AUTS2: variants seen among roughly 807,000 people sequenced by gnomAD.
AUTS2 encodes activator of transcription and developmental regulator AUTS2, also known as autism susceptibility gene 2 protein.
A neutral mutation model predicts 112.4 loss-of-function variants in AUTS2; 17 were observed. The observed-to-expected ratio is 0.15, with a 90% CI of 0.10 to 0.23. The LOEUF (loss-of-function observed/expected upper bound fraction) is 0.23. Among genes scored for constraint, AUTS2 ranks in the 10% least tolerant of loss-of-function variants. AUTS2 has a pLI of 1.00. For missense variants in AUTS2, 1,510 were observed against 1,701.6 expected (o/e 0.89, Z 1.98); for synonymous variants, 751 against 702.7 (o/e 1.07, Z -1.09).
At chr7:69,862,327 G>A (rs999500679) in intron 1 of AUTS2, among the ~76,000 whole-genome samples, 1 of 152,152 alleles carries the variant, frequency 6.6e-6, no homozygotes, top group African/African-American at 2.4e-5. Flanking sequence ...AGGTACCAAG[G>A]AGAAATGAAA....
intron 1 of AUTS2, among the ~76,000 whole-genome samples, chr7:69,666,042 T>TA (rs1292149890): frequency 1.3e-5 from 2 of 152,234 alleles, no homozygotes; most frequent in African/African-American, 2.4e-5. Context: ...AGTCAAATAA[T>TA]ACATCTGGCT....
At chr7:70,522,389 A>G (rs1799679466) in intron 5 of AUTS2, among the ~76,000 whole-genome samples, 2 of 152,128 alleles carry the variant, frequency 1.3e-5, no homozygotes, top group Non-Finnish European at 2.9e-5. Flanking sequence ...TGAGGCATGA[A>G]TGATCCCATC....
chr7:70,782,473 T>C (rs1008320332), intron 15 of AUTS2: 1 of 152,198 alleles, frequency 6.6e-6, no homozygotes, highest in Non-Finnish European at 1.5e-5. Context: ...CTGCTCCAGG[T>C]ACAAACAAAA....
chr7:69,805,476 G>A (rs1790261661), intron 1 of AUTS2, among the ~76,000 whole-genome samples: 1 of 152,038 alleles, frequency 6.6e-6, no homozygotes, highest in South Asian at 2.1e-4. Flanking sequence ...TTCATATCCT[G>A]AATAAAGTAA....
intron 5 of AUTS2, among the ~76,000 whole-genome samples, chr7:70,482,187 C>A (rs1410023423): frequency 6.6e-6 from 1 of 152,154 alleles, no homozygotes; most frequent in African/African-American, 2.4e-5. Flanking sequence ...TCAAGCATTT[C>A]TCCTTAAAAC....
At chr7:69,978,910 G>GCACACACA (rs1183027810) in intron 2 of AUTS2, among the ~76,000 whole-genome samples, 1 of 108,150 alleles carries the variant, frequency 9.2e-6, no homozygotes, top group Non-Finnish European at 2.0e-5. Context: ...ACGCACACAC[G>GCACACACA]CACACACACA....
chr7:70,500,987 T>A (rs535259857), intron 5 of AUTS2, among the ~76,000 whole-genome samples: 39 of 152,248 alleles, frequency 2.6e-4, no homozygotes, highest in African/African-American at 9.4e-4. Context: ...TCTCCCAAAG[T>A]GCTGGAATTA....
At chr7:70,290,397 A>G in intron 4 of AUTS2, 1 of 1,525,052 alleles carries the variant, frequency 6.6e-7, no homozygotes, top group Non-Finnish European at 8.8e-7. Context: ...TTGGAGAGGA[A>G]GCATGTCTTA....
intron 5 of AUTS2, among the ~76,000 whole-genome samples, chr7:70,552,813 G>A (rs145787939): frequency 6.6e-6 from 1 of 152,282 alleles, no homozygotes; most frequent in East Asian, 1.9e-4. Flanking sequence ...AGTGAATGAA[G>A]TAGTTTCAGC....
At chr7:70,318,911 C>T (rs1436709069) in intron 4 of AUTS2, among the ~76,000 whole-genome samples, 1 of 152,098 alleles carries the variant, frequency 6.6e-6, no homozygotes, top group East Asian at 1.9e-4. Context: ...GGCACCGTGC[C>T]CATTGATGTC....
At chr7:69,936,480 GCTGGGACTACAGGTGCCCGCCAC>G (rs1455261419) in intron 2 of AUTS2, among the ~76,000 whole-genome samples, 1 of 152,096 alleles carries the variant, frequency 6.6e-6, no homozygotes, top group African/African-American at 2.4e-5. Flanking sequence ...CTCCCGAGTA[GCTGGGACTACAGGTGCCCGCCAC>G]CACACCCGGC....
chr7:70,762,880 A>G lies in AUTS2; in HGVS notation c.753A>G (p.Leu251=). 1.2e-6 allele frequency: 2 copies of G among 1,612,014 alleles called. No individual in the cohort carries two copies. The highest frequency in any genetic ancestry group is 1.7e-6 in the Non-Finnish European group (2 of 1,178,310). Reference sequence around the variant, plus strand: ...CTCTCTCCCATGCAGATCCGGAGTTAGGTGTTGGCACGCTACCAGAACATG... The same window carrying G: ...CTCTCTCCCATGCAGATCCGGAGTTGGGTGTTGGCACGCTACCAGAACATG... ...NTVIVNKDPE[L]GVGTLPEHDS... is the part of the protein sequence containing the mutation. Residue 251 remains leucine, a synonymous_variant, in exon 7 of 19, where the codon TTA becomes TTG. Coordinates refer to ENST00000342771, the MANE Select transcript of AUTS2 (RefSeq NM_015570.4).
intron 2 of AUTS2, among the ~76,000 whole-genome samples, chr7:70,010,817 C>T (rs774042069): frequency 2.3e-4 from 35 of 152,188 alleles, no homozygotes; most frequent in Non-Finnish European, 4.9e-4. Flanking sequence ...ATCCATTCTA[C>T]AGTGCTCACC....
intron 1 of AUTS2, among the ~76,000 whole-genome samples, chr7:69,889,262 C>A (rs1460552536): frequency 6.6e-6 from 1 of 152,216 alleles, no homozygotes; most frequent in Non-Finnish European, 1.5e-5. Flanking sequence ...GCTAGGAATT[C>A]TGGCATGATG....
At chr7:70,206,586 AC>A (rs1019580663) in intron 4 of AUTS2, among the ~76,000 whole-genome samples, 2 of 152,140 alleles carry the variant, frequency 1.3e-5, no homozygotes, top group African/African-American at 4.8e-5. Flanking sequence ...CCTGCCACCC[AC>A]CTACAAGGAT....
intron 5 of AUTS2, among the ~76,000 whole-genome samples, chr7:70,538,079 T>A (rs531987254): frequency 1.3e-5 from 2 of 152,170 alleles, no homozygotes; most frequent in East Asian, 3.9e-4. Flanking sequence ...CTACAAAAAA[T>A]TTTAAAAACT....
chr7:70,503,680 G>A (rs1798854780), intron 5 of AUTS2, among the ~76,000 whole-genome samples: 1 of 151,590 alleles, frequency 6.6e-6, no homozygotes, highest in Admixed American at 6.6e-5. Flanking sequence ...ACCATGCCCT[G>A]CTAATGTTTT....
intron 2 of AUTS2, among the ~76,000 whole-genome samples, chr7:70,095,862 G>A (rs1211810139): frequency 6.6e-6 from 1 of 152,094 alleles, no homozygotes; most frequent in Non-Finnish European, 1.5e-5. Flanking sequence ...TTGAAGAAAG[G>A]GTTTGATCCA....
intron 1 of AUTS2, among the ~76,000 whole-genome samples, chr7:69,644,142 T>C (rs1034156404): frequency 1.3e-5 from 2 of 152,172 alleles, no homozygotes; most frequent in Non-Finnish European, 2.9e-5. Flanking sequence ...TATTTCGTTA[T>C]GGTGGCCTGA....
Sources: allele counts gnomAD v4.1 joint callset (sites outside exome capture counted in the v4.1 genomes callset), GRCh38; gene constraint gnomAD v4.1.1; transcripts MANE v1.5; gene names NCBI Gene and HGNC (gene_info 2026-07-23, HGNC 2026-07-21).